FBXL12: variants seen among roughly 807,000 people sequenced by gnomAD.
FBXL12 encodes the protein F-box and leucine rich repeat protein 12, also known as F-box/LRR-repeat protein 12.
In FBXL12, 22 loss-of-function variants were observed where a neutral mutation model predicts 24.9. That is an observed-to-expected ratio of 0.88 (90% CI 0.63 to 1.26). The LOEUF is 1.26. FBXL12 is among the 50% of genes most tolerant of loss of function. The pLI is 0.00. For synonymous variants in FBXL12, 193 were observed against 193.8 expected (o/e 1.00, Z 0.03); for missense variants, 384 against 434.1 (o/e 0.88, Z 1.03).
intron 2 of FBXL12, among the ~76,000 whole-genome samples, chr19:9,815,079 G>A (rs571827178): frequency 9.5e-4 from 145 of 152,232 alleles, no homozygotes; most frequent in African/African-American, 3.3e-3. Flanking sequence ...TTCCACCTAT[G>A]AGCCTATAAA....
chr19:9,818,723 C>A lies in FBXL12; in HGVS notation c.86+5G>T. 2 of 1,543,966 alleles carry A rather than the reference C, an allele frequency of 1.3e-6. No individual in the cohort carries two copies. The highest frequency in any genetic ancestry group is 1.8e-6 in the Non-Finnish European group (2 of 1,140,890). On this transcript the variant is annotated splice_donor_5th_base_variant and intron_variant, in intron 1 of 2. Transcript: ENST00000247977. ...CTGCCCTTCCCCCCGGAGGCGGGGC[C>A]GCACCTGGAGATGCGGATCCGGTCC... is the stretch of plus-strand genomic sequence containing the variant.
chr19:9,818,521 G>T (rs1255989988), intron 2 of FBXL12, 24 bp downstream of exon 2: 1 of 1,538,034 alleles, frequency 6.5e-7, no homozygotes, highest in Non-Finnish European at 8.7e-7. Flanking sequence ...CGCGGCCCAG[G>T]CCCGCCCGGC....
At position 9,811,185 on chromosome 19, in the gene FBXL12, C is replaced by T. The variant is rs142014372; in HGVS notation, c.692G>A (p.Arg231His). The T allele has an allele frequency of 5.6e-6, 9 of 1,611,682 alleles. No individual in the cohort carries two copies. Among genetic ancestry groups the T allele is most frequent in the African/African-American group, 2.7e-5 (2 of 74,874 alleles). ...GCCCCTCACGGTCAGCCGGATCTTG[C>T]GCACATCTCGGAGGTGGCGGCTGAT... ...LAISRHLRDV[R>H]KIRLTVRGLS... The change falls in exon 3 of 3, where the codon CGC (arginine) becomes CAC (histidine). Residue 231 changes from arginine to histidine, a missense_variant. Transcript: ENST00000247977. The surrounding 1 kb of genome is among the most constrained non-coding windows in gnomAD (Gnocchi z 6.0).
chr19:9,811,735 T>C lies in FBXL12; in HGVS notation c.160-18A>G. ...GGTCGCATCTGTAAGAGCCAGAGAT[T>C]GGGGTGACAGAGTGAGAGGTATGGA... On this transcript the variant is annotated intron_variant, in intron 2 of 2. Transcript: ENST00000247977. The surrounding 1 kb of genome is among the most constrained non-coding windows in gnomAD (Gnocchi z 6.0). 1 of 1,504,404 alleles carries C rather than the reference T, an allele frequency of 6.6e-7. No individual in the cohort carries two copies. The highest frequency in any genetic ancestry group is 8.9e-7 in the Non-Finnish European group (1 of 1,126,070). The allele number at this position is 1,504,404 out of a possible 1,614,324, so 93.2% of individuals were successfully genotyped here.
chr19:9,812,222 T>G (rs1170152640), intron 2 of FBXL12, among the ~76,000 whole-genome samples: 1 of 152,094 alleles, frequency 6.6e-6, no homozygotes, highest in Non-Finnish European at 1.5e-5. Flanking sequence ...GCCACTGCAC[T>G]CGGCCACTTA....
intron 2 of FBXL12, chr19:9,813,360 C>T (rs569503594): frequency 5.1e-5 from 46 of 905,996 alleles, no homozygotes; most frequent in Non-Finnish European, 5.6e-5. Context: ...TTTTTTGAGA[C>T]GGAGTTTTGC....
At chr19:9,812,728 G>A (rs112440710) in intron 2 of FBXL12, among the ~76,000 whole-genome samples, 3,773 of 123,182 alleles carry the variant, frequency 0.031, 166 homozygotes, top group African/African-American at 0.11. Flanking sequence ...TTTAAAAGCC[G>A]AAAACTACCC....
At chr19:9,816,591 T>A (rs1455003631) in intron 2 of FBXL12, among the ~76,000 whole-genome samples, 1 of 152,216 alleles carries the variant, frequency 6.6e-6, no homozygotes, top group African/African-American at 2.4e-5. Context: ...CACCTCAGCC[T>A]GGACCTTATT....
rs1386967063 is a variant in FBXL12 at position 9,810,536 on chromosome 19, C to G, written c.*360G>C. The stretch of plus-strand genomic sequence containing the variant: ...ACCCTCAGGTGCCCCTGAGTCTTAA[C>G]CCCACCCCTTCTTCATCCGTCCTGT... On this transcript the variant is annotated 3_prime_UTR_variant, in exon 3 of 3. Coordinates refer to ENST00000247977, the MANE Select transcript of FBXL12 (RefSeq NM_017703.3). 98 of 191,550 alleles carry G rather than the reference C, an allele frequency of 5.1e-4. No individual in the cohort carries two copies. Among genetic ancestry groups the G allele is most frequent in the Non-Finnish European group, 4.4e-5 (4 of 90,976 alleles). The allele number at this position is 191,550 out of a possible 1,614,324, so 11.9% of individuals were successfully genotyped here. A position where few individuals can be genotyped will look rare whatever the true frequency, so the allele number is the denominator to read the frequency against.
rs779764326 is a variant in FBXL12 at position 9,811,307 on chromosome 19, G to C, written c.570C>G (p.Thr190=). ...SLVLGGTYRV[T]ETGLDAGLQE... ...GCAGGCCAGCATCCAGCCCTGTCTC[G>C]GTCACACGGTAGGTACCACCCAGCA... Residue 190 remains threonine (T), a synonymous_variant, in exon 3 of 3, where the codon ACC becomes ACG. Coordinates refer to ENST00000247977, the MANE Select transcript of FBXL12 (RefSeq NM_017703.3). This position sits in a 1 kb window ranked among gnomAD's most constrained non-coding sequence, Gnocchi z 6.0. 6.2e-7 allele frequency: 1 copy of C among 1,608,816 alleles called. No homozygotes were observed. Among genetic ancestry groups the C allele is most frequent in the Admixed American group, 1.7e-5 (1 of 60,000 alleles).
chr19:9,818,103 T>A, intron 2 of FBXL12: 1 of 389,154 alleles, frequency 2.6e-6, no homozygotes, highest in South Asian at 1.3e-4. Context: ...TTCCAGCTAC[T>A]CAGGAGGCTG....
rs1377658465 is a variant in FBXL12 at position 9,818,863 on chromosome 19, C to T, written c.-50G>A. On this transcript the variant is annotated 5_prime_UTR_variant, in exon 1 of 3. Coordinates refer to ENST00000247977, the MANE Select transcript of FBXL12 (RefSeq NM_017703.3). ...TTCCGGTTAAAGAGACCCGAGGGGTCCTGGGGGCGCCGAGGCGGCTGACAG... is the reference window on the plus strand; with the variant it reads ...TTCCGGTTAAAGAGACCCGAGGGGTTCTGGGGGCGCCGAGGCGGCTGACAG... The T allele has an allele frequency of 2.0e-5, 30 of 1,492,820 alleles. No individual in the cohort carries two copies. Among genetic ancestry groups the T allele is most frequent in the African/African-American group, 4.2e-5 (3 of 71,214 alleles). The allele number at this position is 1,492,820 out of a possible 1,614,324, so 92.5% of individuals were successfully genotyped here. A position where few individuals can be genotyped will look rare whatever the true frequency, so the allele number is the denominator to read the frequency against.
chr19:9,818,474 G>T, intron 2 of FBXL12, 71 bp downstream of exon 2: 1 of 1,471,942 alleles, frequency 6.8e-7, no homozygotes, highest in Non-Finnish European at 9.2e-7. Flanking sequence ...CAGTCCCAGG[G>T]TGGGAGAGGT....
intron 2 of FBXL12, among the ~76,000 whole-genome samples, chr19:9,817,836 G>A (rs1397007573): frequency 6.6e-6 from 1 of 152,150 alleles, no homozygotes; most frequent in Non-Finnish European, 1.5e-5. Flanking sequence ...CACATATGAA[G>A]TAACGTAAAA....
At position 9,818,482 on chromosome 19, in the gene FBXL12, G is replaced by C. The variant is rs1339606180; in HGVS notation, c.159+63C>G. The C allele has an allele frequency of 2.0e-6, 3 of 1,496,664 alleles. No homozygotes were observed. The East Asian group carries it at 7.4e-5, about 37-fold the overall frequency. The allele number at this position is 1,496,664 out of a possible 1,614,324, so 92.7% of individuals were successfully genotyped here. ...CGACACACAGTCCCAGGGTGGGAGA[G>C]GTGGTCTTCGGGGTCCGGGCACCGC... On this transcript the variant is annotated intron_variant, in intron 2 of 2. Transcript: ENST00000247977.
chr19:9,818,427 C>G, intron 2 of FBXL12, 118 bp downstream of exon 2: 1 of 1,092,558 alleles, frequency 9.2e-7, no homozygotes, highest in Non-Finnish European at 1.3e-6. Context: ...GGCCCCGGAT[C>G]GCCTGGCTCT....
Position 9,818,871 on chromosome 19 carries a change from C to A in FBXL12, c.-58G>T, listed in dbSNP as rs1056667247. 2.0e-6 allele frequency: 3 copies of A among 1,475,716 alleles called. No individual in the cohort carries two copies. The highest frequency in any genetic ancestry group is 1.8e-6 in the Non-Finnish European group (2 of 1,095,572). 91.4% of individuals were successfully genotyped at this position (1,475,716 alleles called of 1,614,324 possible). A position where few individuals can be genotyped will look rare whatever the true frequency, so the allele number is the denominator to read the frequency against. ...AAAGAGACCCGAGGGGTCCTGGGGG[C>A]GCCGAGGCGGCTGACAGGGCGGCGG... On this transcript the variant is annotated 5_prime_UTR_variant, in exon 1 of 3. Transcript: ENST00000247977.
rs377463817 is a variant in FBXL12, at chr19:9,811,720, G to A, written c.160-3C>T. 25 of 1,508,484 alleles carry A rather than the reference G, an allele frequency of 1.7e-5. No homozygotes were observed. Among genetic ancestry groups the A allele is most frequent in the Non-Finnish European group, 2.2e-5 (25 of 1,128,664 alleles). The allele number at this position is 1,508,484 out of a possible 1,614,324, so 93.4% of individuals were successfully genotyped here. On this transcript the variant is annotated splice_region_variant and splice_polypyrimidine_tract_variant and intron_variant, in intron 2 of 2. Transcript: ENST00000247977. The surrounding 1 kb of genome is among the most constrained non-coding windows in gnomAD (Gnocchi z 6.0). ...TGCCACATGACTTTAGGTCGCATCTGTAAGAGCCAGAGATTGGGGTGACAG... is the reference window on the plus strand; with the variant it reads ...TGCCACATGACTTTAGGTCGCATCTATAAGAGCCAGAGATTGGGGTGACAG...
chr19:9,818,267 C>T lies in FBXL12; in HGVS notation c.159+278G>A, dbSNP rs1197436612. 4 of 502,104 alleles carry T rather than the reference C, an allele frequency of 8.0e-6. No individual in the cohort carries two copies. In the Admixed American group the frequency reaches 1.4e-4, roughly 18 times the overall value. 31.1% of individuals were successfully genotyped at this position (502,104 alleles called of 1,614,324 possible). On this transcript the variant is annotated intron_variant, in intron 2 of 2. Coordinates refer to ENST00000247977, the MANE Select transcript of FBXL12 (RefSeq NM_017703.3). ...CATTTATCGAATGATAAATATGTGCCAGACTGTTCTAAGCCCTTTCCCTGC... is the reference window on the plus strand; with the variant it reads ...CATTTATCGAATGATAAATATGTGCTAGACTGTTCTAAGCCCTTTCCCTGC...
Sources: allele counts gnomAD v4.1 joint callset (sites outside exome capture counted in the v4.1 genomes callset), GRCh38; gene constraint gnomAD v4.1.1; non-coding constraint Gnocchi (gnomAD v3.1); transcripts MANE v1.5; gene names NCBI Gene and HGNC (gene_info 2026-07-23, HGNC 2026-07-21).